The following HGD variants were observed in gnomAD, a reference collection of about 807,000 sequenced individuals.
The protein encoded by HGD is homogentisate 1,2-dioxygenase.
Under a neutral mutation model 60.8 loss-of-function variants are expected in HGD, and 61 were observed. The observed-to-expected ratio is 1.00, with a 90% confidence interval of 0.82 to 1.24. HGD has a LOEUF of 1.24. Among genes scored for constraint, HGD ranks in the 50% most tolerant of loss-of-function variants. The pLI is 0.00. For missense variants in HGD, 542 were observed against 547.1 expected (o/e 0.99, Z 0.09); for synonymous variants, 212 against 187.7 (o/e 1.13, Z -1.06).
intron 12 of HGD, among the ~76,000 whole-genome samples, chr3:120,637,222 T>C (rs1223379179): frequency 1.3e-5 from 2 of 151,180 alleles, no homozygotes; most frequent in Admixed American, 6.6e-5. Flanking sequence ...TCAGACAGCC[T>C]GCAATTAAAT....
intron 4 of HGD, among the ~76,000 whole-genome samples, chr3:120,666,432 T>C (rs974361471): frequency 4.5e-4 from 68 of 152,130 alleles, no homozygotes; most frequent in Non-Finnish European, 1.2e-4. Context: ...AAATATGGGC[T>C]GAGGGTCTGC....
chr3:120,670,586 T>C (rs192697624), intron 3 of HGD, 54 bp from the exon 4 acceptor site: 18 of 997,838 alleles, frequency 1.8e-5, no homozygotes, highest in Middle Eastern at 2.1e-4. Context: ...TTCTGAGTGA[T>C]ACACAGAATG....
intron 4 of HGD, among the ~76,000 whole-genome samples, chr3:120,665,797 A>G (rs1423472061): frequency 6.6e-6 from 1 of 152,202 alleles, no homozygotes; most frequent in Non-Finnish European, 1.5e-5. Flanking sequence ...ATTCCCAGAG[A>G]TGACTAATGT....
chr3:120,642,977 C>A (rs142496526), intron 10 of HGD, among the ~76,000 whole-genome samples: 1 of 152,162 alleles, frequency 6.6e-6, no homozygotes, highest in Non-Finnish European at 1.5e-5. Flanking sequence ...GCAAACCTTT[C>A]GGAGGAGCTA....
At chr3:120,668,199 C>A (rs1237482301) in intron 4 of HGD, among the ~76,000 whole-genome samples, 1 of 152,132 alleles carries the variant, frequency 6.6e-6, no homozygotes, top group African/African-American at 2.4e-5. Flanking sequence ...GACAAAATAT[C>A]TTAGTTTCAA....
At chr3:120,667,326 CAAAAAAAAAAAAAA>C (rs71133514) in intron 4 of HGD, among the ~76,000 whole-genome samples, 2 of 60,076 alleles carry the variant, frequency 3.3e-5, no homozygotes, top group South Asian at 8.6e-4. Flanking sequence ...ACTCTTGTCT[CAAAAAAAAAAAAAA>C]AAAAAAAAAA....
At chr3:120,648,972 C>T (rs2551617) in intron 6 of HGD, among the ~76,000 whole-genome samples, 35,822 of 151,874 alleles carry the variant, frequency 0.24, 4,569 homozygotes, top group Non-Finnish European at 0.3. Context: ...CTATTGAAAG[C>T]GCCTTCAACT....
chr3:120,639,993 T>G (rs533263665), intron 11 of HGD, among the ~76,000 whole-genome samples: 486 of 152,166 alleles, frequency 3.2e-3, no homozygotes, highest in Non-Finnish European at 5.9e-3. Context: ...ATCGATTCCC[T>G]GCTTCTTTAG....
chr3:120,673,328 C>T (rs1708061453), intron 3 of HGD, among the ~76,000 whole-genome samples: 1 of 152,182 alleles, frequency 6.6e-6, no homozygotes, highest in Admixed American at 6.5e-5. Flanking sequence ...TGGAACAAAG[C>T]TCAGCTCCTG....
chr3:120,656,214 C>T (rs556322242), intron 4 of HGD, among the ~76,000 whole-genome samples: 16 of 152,278 alleles, frequency 1.1e-4, no homozygotes, highest in Admixed American at 2.6e-4. Flanking sequence ...GCTAACACCT[C>T]GGACTTGGAC....
At chr3:120,640,130 AAAGGAAGGAAGGAAGGAAAGAAGG>A (rs1940921132) in intron 11 of HGD, among the ~76,000 whole-genome samples, 1 of 148,988 alleles carries the variant, frequency 6.7e-6, no homozygotes, top group African/African-American at 2.4e-5. Flanking sequence ...AGAGAGAGAG[AAAGGAAGGAAGGAAGGAAAGAAGG>A]AAGGAAGGAA....
intron 4 of HGD, among the ~76,000 whole-genome samples, chr3:120,661,404 T>G (rs1209760056): frequency 6.6e-6 from 1 of 152,254 alleles, no homozygotes; most frequent in Non-Finnish European, 1.5e-5. Context: ...CAGTATTTAT[T>G]GAACCTCTCT....
intron 1 of HGD, among the ~76,000 whole-genome samples, chr3:120,678,961 A>G (rs1442347924): frequency 6.6e-6 from 1 of 152,250 alleles, no homozygotes; most frequent in Non-Finnish European, 1.5e-5. Context: ...TATACTGTGT[A>G]CAAAAATAAG....
intron 1 of HGD, among the ~76,000 whole-genome samples, chr3:120,679,857 C>T (rs772189573): frequency 6.6e-6 from 1 of 152,164 alleles, no homozygotes; most frequent in Non-Finnish European, 1.5e-5. Context: ...CCAGTGAAAC[C>T]GATTTCAGAC....
intron 4 of HGD, 164 bp downstream of exon 4, chr3:120,670,263 A>T: frequency 1.5e-6 from 1 of 658,814 alleles, no homozygotes; most frequent in Non-Finnish European, 2.7e-6. Flanking sequence ...GAATGGACTA[A>T]TACACCACCC....
intron 12 of HGD, among the ~76,000 whole-genome samples, chr3:120,634,095 A>G (rs189945205): frequency 1.0e-3 from 156 of 152,250 alleles, no homozygotes; most frequent in Non-Finnish European, 1.8e-3. Flanking sequence ...AATGTAGAAG[A>G]AATTTCTATA....
chr3:120,639,856 AAAT>A (rs200142009), intron 11 of HGD, among the ~76,000 whole-genome samples: 1,837 of 152,110 alleles, frequency 0.012, 39 homozygotes, highest in African/African-American at 0.041. Flanking sequence ...TTGAGGGACG[AAAT>A]TATACTTTTT....
At chr3:120,642,667 C>G (rs1941025528) in intron 10 of HGD, among the ~76,000 whole-genome samples, 1 of 152,212 alleles carries the variant, frequency 6.6e-6, no homozygotes, top group African/African-American at 2.4e-5. Flanking sequence ...TTTTGCAAGT[C>G]ACTATGAATC....
At chr3:120,656,981 T>C (rs556251191) in intron 4 of HGD, among the ~76,000 whole-genome samples, 2 of 152,336 alleles carry the variant, frequency 1.3e-5, no homozygotes, top group East Asian at 3.9e-4. Flanking sequence ...CTTTCTTTTT[T>C]AAAAAACTTT....
Sources: allele counts gnomAD v4.1 joint callset (sites outside exome capture counted in the v4.1 genomes callset), GRCh38; gene constraint gnomAD v4.1.1; transcripts MANE v1.5; gene names NCBI Gene and HGNC (gene_info 2026-07-23, HGNC 2026-07-21).